BCHE: variants seen among roughly 807,000 people sequenced by gnomAD.
BCHE encodes cholinesterase.
BCHE carries 48 observed loss-of-function variants against 51.3 expected under a neutral mutation model. That is an observed-to-expected ratio of 0.94 (90% CI 0.74 to 1.19). BCHE has a LOEUF of 1.19. Ranked by LOEUF, BCHE falls within the 50% of genes most tolerant of loss-of-function variation. The pLI, the probability that BCHE is intolerant of heterozygous loss-of-function variation, is 0.00. For synonymous variants in BCHE, 251 were observed against 238.0 expected, an observed-to-expected ratio of 1.05 and a Z score of -0.50; for missense variants, 847 against 708.2, an observed-to-expected ratio of 1.20 and a Z score of -2.23.
At chr3:165,828,602 C>A (rs1427981773) in intron 2 of BCHE, among the ~76,000 whole-genome samples, 1 of 151,984 alleles carries the variant, frequency 6.6e-6, no homozygotes, top group Non-Finnish European at 1.5e-5. Context: ...CTGAATCAAT[C>A]AACTTATGAT....
intron 1 of BCHE, among the ~76,000 whole-genome samples, 177 bp downstream of exon 1, chr3:165,837,137 T>C (rs540455411): frequency 1.3e-5 from 2 of 152,286 alleles, no homozygotes; most frequent in African/African-American, 4.8e-5. Context: ...ATAGGAAGAT[T>C]TGATGCATGT....
intron 1 of BCHE, 131 bp from the exon 2 acceptor site, chr3:165,831,172 G>A: frequency 1.2e-6 from 1 of 813,714 alleles, no homozygotes; most frequent in Non-Finnish European, 1.9e-6. Context: ...ACCTGCTTCT[G>A]TAAAGGCCTA....
At chr3:165,822,344 T>A (rs1714556095) in intron 2 of BCHE, among the ~76,000 whole-genome samples, 1 of 152,160 alleles carries the variant, frequency 6.6e-6, no homozygotes, top group African/African-American at 2.4e-5. Context: ...ACAATTGTAC[T>A]TTTTTTGGTG....
chr3:165,817,966 A>C (rs1714372089), intron 2 of BCHE, among the ~76,000 whole-genome samples: 1 of 152,078 alleles, frequency 6.6e-6, no homozygotes, highest in Admixed American at 6.6e-5. Context: ...AAAACTCATC[A>C]ATCTGACCAT....
chr3:165,821,285 G>A (rs1455081022), intron 2 of BCHE, among the ~76,000 whole-genome samples: 2 of 151,414 alleles, frequency 1.3e-5, no homozygotes. Flanking sequence ...TTGGTGAAGG[G>A]ATTTGCACAA....
intron 2 of BCHE, among the ~76,000 whole-genome samples, chr3:165,822,309 A>G (rs1319709895): frequency 6.6e-6 from 1 of 152,062 alleles, no homozygotes; most frequent in Non-Finnish European, 1.5e-5. Flanking sequence ...TTGATTAATT[A>G]AGTAGTTTTG....
At chr3:165,787,079 C>T (rs944535938) in intron 2 of BCHE, among the ~76,000 whole-genome samples, 1 of 151,456 alleles carries the variant, frequency 6.6e-6, no homozygotes, top group African/African-American at 2.4e-5. Flanking sequence ...TTTTATTTTC[C>T]AATTTTATGT....
intron 2 of BCHE, among the ~76,000 whole-genome samples, chr3:165,810,977 C>G (rs1451642752): frequency 6.6e-6 from 1 of 152,014 alleles, no homozygotes; most frequent in Non-Finnish European, 1.5e-5. Context: ...CCTTTTTCTT[C>G]TACATCTTAT....
At chr3:165,818,072 A>G (rs546949379) in intron 2 of BCHE, among the ~76,000 whole-genome samples, 6 of 152,086 alleles carry the variant, frequency 3.9e-5, no homozygotes, top group Admixed American at 1.3e-4. Flanking sequence ...AAAAATGTCT[A>G]TCTGAGGGAA....
At chr3:165,805,227 T>C (rs1214869310) in intron 2 of BCHE, among the ~76,000 whole-genome samples, 1 of 152,080 alleles carries the variant, frequency 6.6e-6, no homozygotes, top group Non-Finnish European at 1.5e-5. Context: ...TATGGCTCTA[T>C]GGTACACGAA....
chr3:165,836,731 C>T (rs760956899), intron 1 of BCHE, among the ~76,000 whole-genome samples: 4 of 152,034 alleles, frequency 2.6e-5, no homozygotes, highest in Non-Finnish European at 5.9e-5. Flanking sequence ...AAAGGGGACA[C>T]GCTCATAAAT....
chr3:165,796,831 C>G (rs1049169188), intron 2 of BCHE, among the ~76,000 whole-genome samples: 8 of 152,110 alleles, frequency 5.3e-5, no homozygotes, highest in Admixed American at 2.0e-4. Flanking sequence ...TATTGCACAT[C>G]TTCAGTTATT....
At chr3:165,818,610 A>G (rs906048844) in intron 2 of BCHE, among the ~76,000 whole-genome samples, 2 of 152,138 alleles carry the variant, frequency 1.3e-5, no homozygotes, top group South Asian at 2.1e-4. Context: ...TGCAAAGTCT[A>G]TCTGGAATAT....
chr3:165,811,372 T>C (rs1165038821), intron 2 of BCHE, among the ~76,000 whole-genome samples: 1 of 152,050 alleles, frequency 6.6e-6, no homozygotes, highest in Non-Finnish European at 1.5e-5. Flanking sequence ...AAAACATCCT[T>C]ACCTACATAT....
chr3:165,778,670 C>G lies in BCHE; in HGVS notation c.1685-5164G>C, dbSNP rs1036355302. 46 of 452,896 alleles carry G rather than the reference C, an allele frequency of 1.0e-4. No individual in the cohort carries two copies. The Admixed American group carries it at 1.1e-3, about 11-fold the overall frequency. The allele number at this position is 452,896 out of a possible 1,614,324, so 28.1% of individuals were successfully genotyped here. On this transcript the variant is annotated intron_variant, in intron 3 of 3. Transcript: ENST00000264381. ...CCACTTCACTGTGAGTAAGCAGACC[C>G]TGTCATTTTCATCTGTGCAGCTCTA... is the stretch of plus-strand genomic sequence containing the variant.
chr3:165,804,972 A>G (rs1240468357), intron 2 of BCHE, among the ~76,000 whole-genome samples: 2 of 152,230 alleles, frequency 1.3e-5, no homozygotes, highest in Non-Finnish European at 2.9e-5. Flanking sequence ...GAACACTGAG[A>G]TAATTAAAAA....
At chr3:165,803,069 G>A (rs1713729676) in intron 2 of BCHE, among the ~76,000 whole-genome samples, 2 of 152,096 alleles carry the variant, frequency 1.3e-5, no homozygotes, top group Non-Finnish European at 2.9e-5. Flanking sequence ...GAAGAGTACA[G>A]GAAAAGAGAA....
chr3:165,779,318 T>A (rs892554646), intron 3 of BCHE, among the ~76,000 whole-genome samples: 1 of 152,090 alleles, frequency 6.6e-6, no homozygotes, highest in African/African-American at 2.4e-5. Flanking sequence ...GCCAATATCA[T>A]ATTAAATGGG....
chr3:165,774,141 G>GA (rs575723698), intron 3 of BCHE, among the ~76,000 whole-genome samples: 4 of 151,786 alleles, frequency 2.6e-5, no homozygotes, highest in South Asian at 4.1e-4. Context: ...ATAATGATAA[G>GA]AAAAAAAGGT....
Sources: gnomAD v4.1 joint callset for allele counts (sites outside exome capture counted in the v4.1 genomes callset) on GRCh38, gnomAD v4.1.1 for gene constraint, MANE v1.5 for transcripts, NCBI Gene and HGNC (gene_info 2026-07-23, HGNC 2026-07-21) for gene names.